DHX36: variants seen among roughly 807,000 people sequenced by gnomAD.
The protein encoded by DHX36 is ATP-dependent DNA/RNA helicase DHX36.
Under a neutral mutation model 139.0 loss-of-function variants are expected in DHX36, and 50 were observed. The ratio of observed to expected loss-of-function variants is 0.36; its 90% CI spans 0.29 to 0.46. The LOEUF (loss-of-function observed/expected upper bound fraction) is 0.46, where lower values mean the gene tolerates loss of function less well. DHX36 is among the 20% of genes least tolerant of loss of function. The pLI, the probability that DHX36 is intolerant of heterozygous loss-of-function variation, is 1.00. For synonymous variants in DHX36, 425 were observed against 401.9 expected, an observed-to-expected ratio of 1.06 and a Z score of -0.69; for missense variants, 1,024 against 1,211.3, an observed-to-expected ratio of 0.85 and a Z score of 2.29.
intron 17 of DHX36, 127 bp downstream of exon 17, chr3:154,288,739 G>C (rs1260792718): frequency 4.5e-6 from 2 of 445,662 alleles, no homozygotes; most frequent in Non-Finnish European, 7.9e-6. Flanking sequence ...TAGTCAAATA[G>C]CCAATCAAAT....
At chr3:154,289,893 G>C (rs355758) in intron 15 of DHX36, 67 bp from the exon 16 acceptor site, 653,007 of 896,986 alleles carry the variant, frequency 0.73, 240,504 homozygotes, top group South Asian at 0.78. Flanking sequence ...TAGAACTGCA[G>C]AGAAAATACT....
At position 154,324,387 on chromosome 3, in the gene DHX36, GC is replaced by G; in HGVS notation, c.29del (p.Gly10AlafsTer48). The G allele has an allele frequency of 6.3e-7, 1 of 1,577,562 alleles. No homozygotes were observed. On this transcript the variant is annotated frameshift_variant, in exon 1 of 25. Transcript: ENST00000496811. LOFTEE classifies it high-confidence loss of function. ...CGGAGCTGCGGGGACCCCCATCACG[GC>G]CCCAGTTCTGATGGTAGTCATAACT... MSYDYHQNW[G>X]RDGGPRSSGG...
intron 8 of DHX36, among the ~76,000 whole-genome samples, 181 bp downstream of exon 8, chr3:154,304,625 G>A (rs1431341887): frequency 6.6e-6 from 1 of 152,148 alleles, no homozygotes; most frequent in Non-Finnish European, 1.5e-5. Flanking sequence ...TATGAGAGAT[G>A]ATGCCACCAT....
chr3:154,292,451 A>G, intron 15 of DHX36, 100 bp downstream of exon 15: 2 of 1,474,772 alleles, frequency 1.4e-6, no homozygotes, highest in Non-Finnish European at 1.9e-6. Flanking sequence ...ATAATAAGAA[A>G]GGTAACTCTT....
intron 4 of DHX36, 41 bp downstream of exon 4, chr3:154,311,595 A>C (rs1576879254): frequency 1.9e-6 from 3 of 1,553,918 alleles, no homozygotes; most frequent in Non-Finnish European, 2.6e-6. Context: ...TTGTGTATTT[A>C]ATTTGCAAAT....
chr3:154,319,980 G>C (rs1005062186), intron 1 of DHX36, among the ~76,000 whole-genome samples: 1 of 152,102 alleles, frequency 6.6e-6, no homozygotes, highest in Non-Finnish European at 1.5e-5. Context: ...CTGAATCTCT[G>C]TTTCACTTGC....
At position 154,295,281 on chromosome 3, in the gene DHX36, T is replaced by A; in HGVS notation, c.1605+3A>T. ...ATTTAACAAATGTATCCATTTAACATACCTGTGTCTGGTTAACTGTAGGCA... is the reference window on the plus strand; with the variant it reads ...ATTTAACAAATGTATCCATTTAACAAACCTGTGTCTGGTTAACTGTAGGCA... On this transcript the variant is annotated splice_donor_region_variant and intron_variant, in intron 13 of 24. Transcript: ENST00000496811. 1 of 1,539,184 alleles carries A rather than the reference T, an allele frequency of 6.5e-7. No homozygotes were observed. The highest frequency in any genetic ancestry group is 8.8e-7 in the Non-Finnish European group (1 of 1,131,324).
chr3:154,294,961 G>A (rs1032246464), intron 13 of DHX36, among the ~76,000 whole-genome samples: 27 of 152,136 alleles, frequency 1.8e-4, no homozygotes, highest in Admixed American at 3.9e-4. Flanking sequence ...TTAATTTCTA[G>A]GTTTGGTTAC....
In DHX36 at chr3:154,275,048, A is replaced by G. The variant is rs1044237899; in HGVS notation, c.*1123T>C. The G allele has an allele frequency of 1.3e-5, 2 of 152,238 alleles. No individual in the cohort carries two copies. Among genetic ancestry groups the G allele is most frequent in the Admixed American group, 1.3e-4 (2 of 15,288 alleles). The allele number at this position is 152,238 out of a possible 1,614,324, so 9.4% of individuals were successfully genotyped here. On this transcript the variant is annotated 3_prime_UTR_variant, in exon 25 of 25. Coordinates refer to ENST00000496811, the MANE Select transcript of DHX36 (RefSeq NM_020865.3). ...CAACTAAGATTCAGAGAGTACAGGC[A>G]CTAGCCTATGTGCTTTACATGTATT...
chr3:154,306,845 G>A (rs1389156676), intron 5 of DHX36, among the ~76,000 whole-genome samples: 1 of 151,862 alleles, frequency 6.6e-6, no homozygotes, highest in Non-Finnish European at 1.5e-5. Context: ...ATTAGAAATA[G>A]AAAATGGCAT....
rs1306182983 is a variant in DHX36 at position 154,273,806 on chromosome 3, T to G, written c.*2365A>C. 6.6e-6 allele frequency: 1 copy of G among 152,246 alleles called. No individual in the cohort carries two copies. The highest frequency in any genetic ancestry group is 6.5e-5 in the Admixed American group (1 of 15,288). The allele number at this position is 152,246 out of a possible 1,614,324, so 9.4% of individuals were successfully genotyped here. A position where few individuals can be genotyped will look rare whatever the true frequency, so the allele number is the denominator to read the frequency against. On this transcript the variant is annotated 3_prime_UTR_variant, in exon 25 of 25. Coordinates refer to ENST00000496811, the MANE Select transcript of DHX36 (RefSeq NM_020865.3). ...GATACTATTAACTCTTTCGGTTTCC[T>G]TGCATTTATTGGAAGGCACATTAAA... is the stretch of plus-strand genomic sequence containing the variant.
At chr3:154,303,055 C>T (rs148268480) in intron 9 of DHX36, among the ~76,000 whole-genome samples, 1,752 of 152,078 alleles carry the variant, frequency 0.012, 28 homozygotes, top group African/African-American at 0.039. Context: ...CTAGGCTAGG[C>T]GACAGAGAGA....
At chr3:154,319,655 C>T (rs1469530286) in intron 1 of DHX36, among the ~76,000 whole-genome samples, 1 of 152,148 alleles carries the variant, frequency 6.6e-6, no homozygotes, top group Non-Finnish European at 1.5e-5. Context: ...AAATTTCTAA[C>T]CTCTCCAGTA....
chr3:154,302,342 A>G (rs906154131), intron 9 of DHX36, among the ~76,000 whole-genome samples: 3 of 152,212 alleles, frequency 2.0e-5, no homozygotes, highest in Non-Finnish European at 4.4e-5. Context: ...TGCCTGATAC[A>G]CACTAACTTT....
intron 10 of DHX36, 43 bp downstream of exon 10, chr3:154,300,944 T>A (rs1044992161): frequency 2.5e-6 from 4 of 1,601,070 alleles, no homozygotes; most frequent in Non-Finnish European, 3.4e-6. Context: ...CTTTTTGTTT[T>A]ATTTAGCCAC....
chr3:154,321,451 T>C (rs1427547126), intron 1 of DHX36, among the ~76,000 whole-genome samples: 1 of 152,160 alleles, frequency 6.6e-6, no homozygotes, highest in East Asian at 1.9e-4. Flanking sequence ...CCCTGAAAAA[T>C]CTTCTAAAAT....
chr3:154,280,963 T>C, intron 20 of DHX36, 101 bp from the exon 21 acceptor site: 1 of 838,904 alleles, frequency 1.2e-6, no homozygotes, highest in East Asian at 2.6e-5. Flanking sequence ...TATCCCTGCT[T>C]TATGAAAACA....
chr3:154,286,188 A>AC (rs1711547576), intron 17 of DHX36, among the ~76,000 whole-genome samples: 1 of 149,898 alleles, frequency 6.7e-6, no homozygotes, highest in Non-Finnish European at 1.5e-5. Context: ...AAAAAAAAAA[A>AC]AAAACACCAA....
At chr3:154,315,484 C>A (rs1712945867) in intron 2 of DHX36, among the ~76,000 whole-genome samples, 1 of 151,968 alleles carries the variant, frequency 6.6e-6, no homozygotes, top group African/African-American at 2.4e-5. Context: ...ATAGATATTG[C>A]CAGATTAAGT....
Sources: gnomAD v4.1 joint callset for allele counts (sites outside exome capture counted in the v4.1 genomes callset) on GRCh38, gnomAD v4.1.1 for gene constraint, MANE v1.5 for transcripts, NCBI Gene and HGNC (gene_info 2026-07-23, HGNC 2026-07-21) for gene names.